The following DOCK3 variants were observed in gnomAD, a reference collection of about 807,000 sequenced individuals.
The protein encoded by DOCK3 is dedicator of cytokinesis 3.
DOCK3 carries 60 observed loss-of-function variants against 265.6 expected under a neutral mutation model. That is an observed-to-expected ratio of 0.23 (90% CI 0.18 to 0.28). The LOEUF is 0.28. Ranked by LOEUF, DOCK3 falls within the 10% of genes least tolerant of loss-of-function variation. DOCK3 has a pLI of 1.00. For missense variants in DOCK3, 1,981 were observed against 2,594.3 expected (o/e 0.76, Z 5.14); for synonymous variants, 881 against 938.0 (o/e 0.94, Z 1.11).
At chr3:51,204,843 A>T (rs2089072311) in intron 12 of DOCK3, among the ~76,000 whole-genome samples, 1 of 152,138 alleles carries the variant, frequency 6.6e-6, no homozygotes, top group Non-Finnish European at 1.5e-5. Context: ...GCCATAAAAA[A>T]GGATGAGTTC....
intron 9 of DOCK3, among the ~76,000 whole-genome samples, chr3:51,119,221 T>C (rs1320722686): frequency 6.6e-6 from 1 of 152,232 alleles, no homozygotes; most frequent in South Asian, 2.1e-4. Flanking sequence ...CCTTCACTTA[T>C]GAAGCTTAGT....
At chr3:50,882,593 C>G (rs575871931) in intron 3 of DOCK3, among the ~76,000 whole-genome samples, 2 of 152,000 alleles carry the variant, frequency 1.3e-5, no homozygotes, top group South Asian at 2.1e-4. Flanking sequence ...GTTAGAATGG[C>G]GATCATTAAA....
intron 9 of DOCK3, among the ~76,000 whole-genome samples, chr3:51,144,014 T>G (rs1464211216): frequency 2.6e-5 from 4 of 152,250 alleles, no homozygotes; most frequent in Non-Finnish European, 4.4e-5. Flanking sequence ...TATTCGAGCC[T>G]GTGATACATT....
intron 26 of DOCK3, among the ~76,000 whole-genome samples, chr3:51,279,270 A>G (rs2080987623): frequency 2.0e-5 from 3 of 152,104 alleles, no homozygotes; most frequent in Admixed American, 1.3e-4. Context: ...AACAATAATA[A>G]TAATTTCAGA....
intron 6 of DOCK3, among the ~76,000 whole-genome samples, chr3:51,068,276 C>T (rs533761150): frequency 2.6e-5 from 4 of 152,022 alleles, no homozygotes; most frequent in African/African-American, 9.6e-5. Flanking sequence ...CGCGGTGGCT[C>T]ACGCCTGTAA....
chr3:50,700,936 C>T (rs1390392101), intron 1 of DOCK3, among the ~76,000 whole-genome samples: 1 of 152,120 alleles, frequency 6.6e-6, no homozygotes, highest in Non-Finnish European at 1.5e-5. Context: ...TCCCTTTTCT[C>T]TGCATCTTTG....
At chr3:50,944,441 A>G (rs1559846420) in intron 5 of DOCK3, among the ~76,000 whole-genome samples, 2 of 152,220 alleles carry the variant, frequency 1.3e-5, no homozygotes, top group African/African-American at 4.8e-5. Context: ...CATATTTTAA[A>G]TAGTTATTTA....
intron 49 of DOCK3, among the ~76,000 whole-genome samples, chr3:51,371,754 GATTCCTGTTGCTTTGGAA>G (rs2087697878): frequency 6.6e-6 from 1 of 152,254 alleles, no homozygotes; most frequent in Non-Finnish European, 1.5e-5. Flanking sequence ...ACACTGCTGT[GATTCCTGTTGCTTTGGAA>G]ATGTCTGAGA....
intron 5 of DOCK3, among the ~76,000 whole-genome samples, chr3:51,062,900 G>C (rs1168243968): frequency 6.6e-6 from 1 of 152,176 alleles, no homozygotes; most frequent in African/African-American, 2.4e-5. Context: ...AGATGGTATA[G>C]TTTGCTTGGG....
rs1026325868 is a variant in DOCK3 at position 51,082,604 on chromosome 3, C to G, written c.550-6639C>G. On this transcript the variant is annotated intron_variant, in intron 7 of 52. Transcript: ENST00000266037. ...CATACCTGCACACATTCAACACATT[C>G]AAGAGGCCTGGGGGACTGGTTCACC... 2.6e-5 allele frequency among the ~76,000 whole-genome samples: 4 copies of G among 152,220 alleles called. No individual in the cohort carries two copies. In the East Asian group the frequency reaches 7.7e-4, roughly 29 times the overall value.
chr3:51,157,830 C>T (rs1232596844), intron 10 of DOCK3, among the ~76,000 whole-genome samples: 5 of 138,302 alleles, frequency 3.6e-5, no homozygotes, highest in Non-Finnish European at 7.6e-5. Flanking sequence ...GACGGAGTCT[C>T]GCTCTTTTGC....
At chr3:51,317,768 A>C (rs1214004638) in intron 32 of DOCK3, among the ~76,000 whole-genome samples, 1 of 151,866 alleles carries the variant, frequency 6.6e-6, no homozygotes, top group Non-Finnish European at 1.5e-5. Flanking sequence ...GTACTCTATA[A>C]ATAGATATAA....
At chr3:50,895,079 T>C (rs1421161414) in intron 4 of DOCK3, among the ~76,000 whole-genome samples, 1 of 152,128 alleles carries the variant, frequency 6.6e-6, no homozygotes, top group East Asian at 1.9e-4. Flanking sequence ...TAATGGCTTT[T>C]TTTCTTTATC....
At chr3:51,193,637 A>G (rs1214226435) in intron 12 of DOCK3, among the ~76,000 whole-genome samples, 1 of 151,866 alleles carries the variant, frequency 6.6e-6, no homozygotes, top group Non-Finnish European at 1.5e-5. Flanking sequence ...TTCCAATTCA[A>G]TCTTGATAGG....
At chr3:50,844,394 C>T (rs2045983782) in intron 3 of DOCK3, among the ~76,000 whole-genome samples, 1 of 151,544 alleles carries the variant, frequency 6.6e-6, no homozygotes, top group Non-Finnish European at 1.5e-5. Context: ...TTTTTTTTTC[C>T]ACTTTTTGTA....
intron 12 of DOCK3, among the ~76,000 whole-genome samples, chr3:51,199,355 G>T (rs1029472642): frequency 6.6e-6 from 1 of 152,238 alleles, no homozygotes; most frequent in Non-Finnish European, 1.5e-5. Context: ...CTTTTCCGAT[G>T]GGCTTAAAAA....
chr3:50,719,007 A>G (rs1376858306), intron 1 of DOCK3, among the ~76,000 whole-genome samples: 2 of 151,514 alleles, frequency 1.3e-5, no homozygotes, highest in Non-Finnish European at 2.9e-5. Flanking sequence ...GATGGTCTCA[A>G]TCTCCTGACC....
rs969577542 is a variant in DOCK3 at position 51,357,022 on chromosome 3, C to G, written c.4564C>G (p.Arg1522Gly). ...GGTTGAGAATAAGAACCAGGAGCTA[C>G]GCTCCCTGATCAGCCAGTATCAACA... is the stretch of plus-strand genomic sequence containing the variant. ...QVVENKNQEL[R>G]SLISQYQHKQ... is the part of the protein sequence containing the mutation. Residue 1522 changes from arginine to glycine, a missense_variant, in exon 44 of 53, where the codon CGC becomes GGC. Coordinates refer to ENST00000266037, the MANE Select transcript of DOCK3 (RefSeq NM_004947.5). The G allele has an allele frequency of 6.2e-7, 1 of 1,613,430 alleles. No individual in the cohort carries two copies. The highest frequency in any genetic ancestry group is 2.2e-5 in the East Asian group (1 of 44,870).
intron 14 of DOCK3, among the ~76,000 whole-genome samples, chr3:51,224,374 T>G (rs942734856): frequency 6.6e-6 from 1 of 152,218 alleles, no homozygotes; most frequent in Admixed American, 6.5e-5. Context: ...GTGCCAGTCC[T>G]GGTCTATTCC....
Sources: gnomAD v4.1 joint callset for allele counts (sites outside exome capture counted in the v4.1 genomes callset) on GRCh38, gnomAD v4.1.1 for gene constraint, MANE v1.5 for transcripts, NCBI Gene and HGNC (gene_info 2026-07-23, HGNC 2026-07-21) for gene names.